Variants in SLCO6A1 observed in about 807,000 individuals in gnomAD.
The protein encoded by SLCO6A1 is cancer/testis antigen 48.
A neutral mutation model predicts 72.7 loss-of-function variants in SLCO6A1; 65 were observed. That is an observed-to-expected ratio of 0.89 (90% CI 0.73 to 1.10). The LOEUF is 1.10. Among genes scored for constraint, SLCO6A1 ranks in the 50% least tolerant of loss-of-function variants. The pLI, the probability that SLCO6A1 is intolerant of heterozygous loss-of-function variation, is 0.00. For missense variants in SLCO6A1, 874 were observed against 872.6 expected (o/e 1.00, Z -0.02); for synonymous variants, 314 against 298.2 (o/e 1.05, Z -0.55).
Position 102,469,818 on chromosome 5 carries a change from T to A in SLCO6A1, c.899+5879A>T, listed in dbSNP as rs572725986. 2.8e-3 allele frequency among the ~76,000 whole-genome samples: 419 copies of A among 152,252 alleles called. 2 individuals are homozygous for A. The highest frequency in any genetic ancestry group is 9.7e-3 in the African/African-American group (405 of 41,556). Reference sequence around the variant, plus strand: ...GTTTGTCATAAATAGTTCTTATTATTTTGAGATACATTCCATCAATACCTA... The same window carrying A: ...GTTTGTCATAAATAGTTCTTATTATATTGAGATACATTCCATCAATACCTA... On this transcript the variant is annotated intron_variant, in intron 4 of 13. Transcript: ENST00000506729.
In SLCO6A1 at chr5:102,373,398, G is replaced by T; in HGVS notation, c.2114C>A (p.Thr705Asn). Residue 705 changes from threonine to asparagine, a missense_variant, in exon 13 of 14, where the codon ACT becomes AAT. Thr to Asn is a moderately conservative substitution (Grantham distance 65). Transcript: ENST00000506729. ...TTTCTTAACTTTTGGATTCTTCACA[G>T]TTACATCTGGGAAGTCAGTGTTCTC... ...LNENTDFPDV[T>N]VKNPKVKKKE... 1 of 1,582,104 alleles carries T rather than the reference G, an allele frequency of 6.3e-7. No homozygotes were observed. Among genetic ancestry groups the T allele is most frequent in the Non-Finnish European group, 8.6e-7 (1 of 1,166,984 alleles).
At chr5:102,482,205 A>G (rs1333039847) in intron 1 of SLCO6A1, among the ~76,000 whole-genome samples, 1 of 152,184 alleles carries the variant, frequency 6.6e-6, no homozygotes, top group Admixed American at 6.5e-5. Context: ...TCTACCTTCC[A>G]TAAAGTATTA....
intron 1 of SLCO6A1, among the ~76,000 whole-genome samples, chr5:102,490,531 C>T (rs2112858934): frequency 6.6e-6 from 1 of 152,284 alleles, no homozygotes. Context: ...TTGGTGGGTT[C>T]TTGGTCTCAC....
At chr5:102,450,464 G>A (rs1233591281) in intron 6 of SLCO6A1, among the ~76,000 whole-genome samples, 1 of 152,224 alleles carries the variant, frequency 6.6e-6, no homozygotes, top group East Asian at 1.9e-4. Flanking sequence ...ATGGCCAGTA[G>A]GTGGGCTCTT....
At chr5:102,389,610 T>C (rs1746633429) in intron 11 of SLCO6A1, among the ~76,000 whole-genome samples, 1 of 138,840 alleles carries the variant, frequency 7.2e-6, no homozygotes, top group African/African-American at 2.7e-5. Context: ...TTCGCTCCTC[T>C]TGGTGAGTGA....
chr5:102,493,170 A>AACT (rs35754595), intron 1 of SLCO6A1, among the ~76,000 whole-genome samples: 99,157 of 151,724 alleles, frequency 0.65, 32,646 homozygotes, highest in African/African-American at 0.69. Context: ...AATTTAGCGA[A>AACT]ACTATTACCT....
intron 6 of SLCO6A1, among the ~76,000 whole-genome samples, chr5:102,448,024 T>G (rs1750210909): frequency 6.6e-6 from 1 of 152,214 alleles, no homozygotes; most frequent in Non-Finnish European, 1.5e-5. Context: ...ATAAACTTCC[T>G]TCTTAACAAT....
chr5:102,444,145 G>C (rs1217531928), intron 6 of SLCO6A1, among the ~76,000 whole-genome samples: 1 of 152,162 alleles, frequency 6.6e-6, no homozygotes, highest in Admixed American at 6.5e-5. Flanking sequence ...TATAAAGGCT[G>C]CAGAAAAGTA....
intron 6 of SLCO6A1, among the ~76,000 whole-genome samples, chr5:102,448,280 T>C (rs983744235): frequency 6.6e-6 from 1 of 152,220 alleles, no homozygotes; most frequent in Non-Finnish European, 1.5e-5. Context: ...TAAGAATTGC[T>C]TTATGGCTGA....
At chr5:102,412,595 TA>T (rs1388332245) in intron 9 of SLCO6A1, among the ~76,000 whole-genome samples, 1 of 151,932 alleles carries the variant, frequency 6.6e-6, no homozygotes, top group Admixed American at 6.6e-5. Context: ...AACCCATCTC[TA>T]AAAAAATTAC....
At position 102,480,369 on chromosome 5, in the gene SLCO6A1, T is replaced by C; in HGVS notation, c.424A>G (p.Ile142Val). ...CTCTTTTCCAATGCCAACTTCTCAA[T>C]GGTTTTCAGTTGATATTCCTTCTGA... ...DFQKEYQLKT[I>V]EKLALEKSYD... is the part of the protein sequence containing the mutation. The change falls in exon 2 of 14, where the codon ATT (isoleucine) becomes GTT (valine). Residue 142 changes from isoleucine (I) to valine (V), a missense_variant. Transcript: ENST00000506729. 5 of 1,613,570 alleles carry C rather than the reference T, an allele frequency of 3.1e-6. No homozygotes were observed. In the South Asian group the frequency reaches 4.4e-5, roughly 14 times the overall value.
In SLCO6A1 at chr5:102,388,734, A is replaced by G. The variant is rs754643471; in HGVS notation, c.1971T>C (p.Cys657=). The G allele has an allele frequency of 6.2e-7, 1 of 1,604,638 alleles. No homozygotes were observed. Among genetic ancestry groups the G allele is most frequent in the African/African-American group, 1.3e-5 (1 of 74,474 alleles). ...CCATTTTTGTCTTGTTATATATCCA[A>G]CAACGTCCTGTGTGTCCACATTTAT... ...DVNKCGHTGR[C]WIYNKTKMAF... is the part of the protein sequence containing the mutation. Residue 657 remains cysteine, a synonymous_variant, in exon 12 of 14, where the codon TGT becomes TGC. Transcript: ENST00000506729.
At chr5:102,405,471 A>G (rs1747621645) in intron 9 of SLCO6A1, among the ~76,000 whole-genome samples, 1 of 152,078 alleles carries the variant, frequency 6.6e-6, no homozygotes, top group Non-Finnish European at 1.5e-5. Context: ...AATTATTTGA[A>G]TCACCATACA....
intron 9 of SLCO6A1, among the ~76,000 whole-genome samples, chr5:102,407,806 A>C (rs568077592): frequency 6.6e-6 from 1 of 152,280 alleles, no homozygotes; most frequent in Admixed American, 6.5e-5. Context: ...TTCTTTTTTT[A>C]ACCCAAAGGA....
At chr5:102,415,464 C>T (rs1362471606) in intron 8 of SLCO6A1, among the ~76,000 whole-genome samples, 1 of 152,048 alleles carries the variant, frequency 6.6e-6, no homozygotes, top group African/African-American at 2.4e-5. Context: ...AGAGAAAGGA[C>T]ACCCTTTTCA....
chr5:102,394,378 A>T (rs1746945203), intron 10 of SLCO6A1, among the ~76,000 whole-genome samples: 1 of 152,172 alleles, frequency 6.6e-6, no homozygotes, highest in Admixed American at 6.5e-5. Flanking sequence ...TTGGAAAGCA[A>T]AACAATGTAA....
intron 4 of SLCO6A1, among the ~76,000 whole-genome samples, chr5:102,473,814 A>C (rs1209366805): frequency 6.6e-6 from 1 of 152,020 alleles, no homozygotes; most frequent in African/African-American, 2.4e-5. Context: ...CAACACACAA[A>C]TATCAGTTGT....
intron 7 of SLCO6A1, among the ~76,000 whole-genome samples, chr5:102,430,871 A>G (rs1294680504): frequency 2.6e-5 from 4 of 152,084 alleles, no homozygotes; most frequent in African/African-American, 4.8e-5. Flanking sequence ...TAGTAATGAC[A>G]CCAGCTCTTC....
intron 6 of SLCO6A1, among the ~76,000 whole-genome samples, chr5:102,452,356 TTA>T (rs1456928220): frequency 6.6e-6 from 1 of 152,128 alleles, no homozygotes; most frequent in Non-Finnish European, 1.5e-5. Flanking sequence ...CCTCCAAACT[TTA>T]TGTTTTTATT....
Sources: gnomAD v4.1 joint callset for allele counts (sites outside exome capture counted in the v4.1 genomes callset) on GRCh38, gnomAD v4.1.1 for gene constraint, MANE v1.5 for transcripts, NCBI Gene and HGNC (gene_info 2026-07-23, HGNC 2026-07-21) for gene names.